Variants in FRMD4A observed in about 807,000 individuals in gnomAD.
FRMD4A encodes the protein FERM domain-containing protein 4A.
Under a neutral mutation model 129.1 loss-of-function variants are expected in FRMD4A, and 29 were observed. The observed-to-expected ratio is 0.22, with a 90% CI of 0.17 to 0.31. The LOEUF (loss-of-function observed/expected upper bound fraction) is 0.31, where lower values mean the gene tolerates loss of function less well. FRMD4A is among the 10% of genes least tolerant of loss of function. The pLI is 1.00. For missense variants in FRMD4A, 1,272 were observed against 1,375.8 expected, an observed-to-expected ratio of 0.92 and a Z score of 1.19; for synonymous variants, 634 against 571.6, an observed-to-expected ratio of 1.11 and a Z score of -1.56.
At chr10:13,738,353 T>C (rs2090772360) in intron 11 of FRMD4A, among the ~76,000 whole-genome samples, 1 of 152,180 alleles carries the variant, frequency 6.6e-6, no homozygotes, top group South Asian at 2.1e-4. Context: ...GAAACTGTCA[T>C]CGATGGTCAG....
intron 2 of FRMD4A, among the ~76,000 whole-genome samples, chr10:14,062,190 C>T (rs185263032): frequency 4.6e-5 from 7 of 152,182 alleles, no homozygotes; most frequent in South Asian, 2.1e-4. Context: ...AAGTATTTCA[C>T]TGTTACAGAG....
chr10:14,212,815 T>C (rs1842968716), intron 2 of FRMD4A, among the ~76,000 whole-genome samples: 1 of 152,236 alleles, frequency 6.6e-6, no homozygotes, highest in Non-Finnish European at 1.5e-5. Flanking sequence ...GGTCCAGGTA[T>C]ATGTTTGCTG....
intron 2 of FRMD4A, among the ~76,000 whole-genome samples, chr10:14,214,983 C>T (rs1453232252): frequency 6.6e-6 from 1 of 152,108 alleles, no homozygotes; most frequent in Non-Finnish European, 1.5e-5. Context: ...TTTTTTGCAA[C>T]TTATTATTGA....
intron 9 of FRMD4A, among the ~76,000 whole-genome samples, chr10:13,741,211 A>C (rs985466675): frequency 4.6e-5 from 7 of 151,764 alleles, no homozygotes; most frequent in African/African-American, 1.7e-4. Context: ...GTGTTTAGGG[A>C]GGCTGACATG....
At chr10:13,710,381 T>C (rs2296599) in intron 12 of FRMD4A, 38,745 of 152,218 alleles carry the variant, frequency 0.25, 5,453 homozygotes, top group African/African-American at 0.35. Flanking sequence ...CTGATGCAGT[T>C]CAGCGTGGAG....
intron 2 of FRMD4A, among the ~76,000 whole-genome samples, chr10:14,038,974 G>A (rs1286567523): frequency 6.6e-6 from 1 of 152,218 alleles, no homozygotes; most frequent in Non-Finnish European, 1.5e-5. Context: ...GAAAGGGCCA[G>A]TGTGGACACC....
intron 2 of FRMD4A, among the ~76,000 whole-genome samples, chr10:14,260,950 T>A (rs139136746): frequency 6.6e-6 from 1 of 152,180 alleles, no homozygotes. Flanking sequence ...TCCACCTCCA[T>A]GGGTCTTAGT....
At chr10:14,277,926 T>C (rs1377469153) in intron 2 of FRMD4A, among the ~76,000 whole-genome samples, 1 of 152,214 alleles carries the variant, frequency 6.6e-6, no homozygotes, top group Non-Finnish European at 1.5e-5. Flanking sequence ...AATATGCCTG[T>C]TGAAATTCAG....
At chr10:14,313,702 C>T (rs578234221) in intron 2 of FRMD4A, among the ~76,000 whole-genome samples, 29 of 152,304 alleles carry the variant, frequency 1.9e-4, no homozygotes, top group South Asian at 8.3e-4. Flanking sequence ...AATTCTTTCA[C>T]GTAGATCACT....
At chr10:13,718,749 A>G (rs1231185463) in intron 12 of FRMD4A, among the ~76,000 whole-genome samples, 1 of 152,100 alleles carries the variant, frequency 6.6e-6, no homozygotes, top group African/African-American at 2.4e-5. Flanking sequence ...CTTTCTTTTC[A>G]CCAGGGCTAT....
At chr10:14,127,397 C>G (rs1191238026) in intron 2 of FRMD4A, among the ~76,000 whole-genome samples, 3 of 152,132 alleles carry the variant, frequency 2.0e-5, no homozygotes, top group South Asian at 2.1e-4. Flanking sequence ...TGTTAGTGTT[C>G]TGAGTCCCCG....
chr10:13,817,252 A>G (rs1161687919), intron 3 of FRMD4A, among the ~76,000 whole-genome samples: 1 of 152,192 alleles, frequency 6.6e-6, no homozygotes, highest in Non-Finnish European at 1.5e-5. Flanking sequence ...AAAGGAGAGG[A>G]GCTCTCAGTC....
chr10:13,908,417 C>T (rs1367277637), intron 2 of FRMD4A, among the ~76,000 whole-genome samples: 2 of 152,180 alleles, frequency 1.3e-5, no homozygotes, highest in African/African-American at 4.8e-5. Context: ...AAGCAGTATA[C>T]ACTGTTTTGT....
At chr10:13,985,841 C>T (rs2095579159) in intron 2 of FRMD4A, among the ~76,000 whole-genome samples, 2 of 152,256 alleles carry the variant, frequency 1.3e-5, no homozygotes, top group Admixed American at 1.3e-4. Context: ...AGAAGTCTGC[C>T]AGCCCTGGCG....
chr10:13,966,752 A>C (rs774502258), intron 2 of FRMD4A, among the ~76,000 whole-genome samples: 1 of 152,270 alleles, frequency 6.6e-6, no homozygotes, highest in Non-Finnish European at 1.5e-5. Context: ...AGAAGTCATT[A>C]TATGAAAAAT....
chr10:14,305,294 T>C (rs528958517), intron 2 of FRMD4A, among the ~76,000 whole-genome samples: 1 of 152,350 alleles, frequency 6.6e-6, no homozygotes, highest in South Asian at 2.1e-4. Flanking sequence ...GGGAGATTGC[T>C]GTGTCCCATA....
intron 2 of FRMD4A, among the ~76,000 whole-genome samples, chr10:14,241,666 A>G (rs1307342873): frequency 9.2e-6 from 1 of 109,040 alleles, no homozygotes; most frequent in African/African-American, 3.6e-5. Flanking sequence ...TTGGAGAGGG[A>G]TTTGTTTTAC....
chr10:13,860,801 CAG>C (rs1295921504), intron 2 of FRMD4A, among the ~76,000 whole-genome samples: 10 of 152,142 alleles, frequency 6.6e-5, no homozygotes, highest in African/African-American at 2.4e-4. Context: ...TTTTTTTAGA[CAG>C]AGTCTTGCTC....
At chr10:13,713,916 T>C (rs71489197) in intron 12 of FRMD4A, among the ~76,000 whole-genome samples, 1 of 134,508 alleles carries the variant, frequency 7.4e-6, no homozygotes, top group Non-Finnish European at 1.5e-5. Flanking sequence ...ATATGTAATA[T>C]ATATACATAT....
Sources: gnomAD v4.1 joint callset for allele counts (sites outside exome capture counted in the v4.1 genomes callset) on GRCh38, gnomAD v4.1.1 for gene constraint, MANE v1.5 for transcripts, NCBI Gene and HGNC (gene_info 2026-07-23, HGNC 2026-07-21) for gene names.